Variants in UTRN observed in about 807,000 individuals in gnomAD.
UTRN encodes utrophin, also known as dystrophin-related protein 1.
Under a neutral mutation model 463.9 loss-of-function variants are expected in UTRN, and 283 were observed. The observed-to-expected ratio is 0.61, with a 90% CI of 0.55 to 0.67. The LOEUF is 0.67. UTRN is among the 30% of genes least tolerant of loss of function. UTRN has a pLI of 0.00. For missense variants in UTRN, 3,922 were observed against 4,084.3 expected (o/e 0.96, Z 1.08); for synonymous variants, 1,442 against 1,431.5 (o/e 1.01, Z -0.17).
intron 21 of UTRN, among the ~76,000 whole-genome samples, chr6:144,459,924 A>G (rs2128560677): frequency 6.6e-6 from 1 of 152,212 alleles, no homozygotes; most frequent in Admixed American, 6.5e-5. Context: ...GCAAAATAAC[A>G]GATGTTAGCC....
chr6:144,496,087 T>A (rs1793615795), intron 33 of UTRN, among the ~76,000 whole-genome samples: 1 of 152,132 alleles, frequency 6.6e-6, no homozygotes, highest in Admixed American at 6.5e-5. Flanking sequence ...ATGCAGGAGT[T>A]GTTGAGCATT....
chr6:144,305,426 T>C (rs73585086), intron 2 of UTRN, among the ~76,000 whole-genome samples: 2,812 of 152,336 alleles, frequency 0.018, 81 homozygotes, highest in African/African-American at 0.06. Context: ...GTTTTATCTA[T>C]AATATTTAAT....
chr6:144,462,534 T>C (rs1378240750), intron 22 of UTRN, 120 bp from the exon 23 acceptor site: 3 of 916,896 alleles, frequency 3.3e-6, no homozygotes, highest in Admixed American at 3.1e-5. Flanking sequence ...ACTGTTCTTT[T>C]TAGATAAAAA....
At chr6:144,719,751 A>T (rs1417556644) in intron 53 of UTRN, among the ~76,000 whole-genome samples, 1 of 152,206 alleles carries the variant, frequency 6.6e-6, no homozygotes, top group Admixed American at 6.5e-5. Context: ...CCTTGGTAGG[A>T]AGTTTAGAAT....
chr6:144,490,136 T>C lies in UTRN; in HGVS notation c.4200T>C (p.Ser1400=). 6.2e-7 allele frequency: 1 copy of C among 1,613,776 alleles called. No individual in the cohort carries two copies. ...TLEELRRNMR[S]QPLTSPESRT... ...AGGAGTTGAGAAGAAATATGCGTTC[T>C]CAGCCCCTGACCTCCCCAGAGAGTA... is the stretch of plus-strand genomic sequence containing the variant. The change falls in exon 31 of 75, where the codon TCT becomes TCC. Residue 1400 remains serine (S), a synonymous_variant. Coordinates refer to ENST00000367545, the MANE Select transcript of UTRN (RefSeq NM_007124.3).
At chr6:144,701,361 A>C (rs1223840407) in intron 53 of UTRN, among the ~76,000 whole-genome samples, 4 of 151,916 alleles carry the variant, frequency 2.6e-5, no homozygotes, top group African/African-American at 4.8e-5. Flanking sequence ...CATACTATTT[A>C]AAATCATTTT....
chr6:144,453,022 T>C (rs1788486431), intron 18 of UTRN, among the ~76,000 whole-genome samples: 1 of 152,134 alleles, frequency 6.6e-6, no homozygotes, highest in Non-Finnish European at 1.5e-5. Flanking sequence ...ATTTAAAAAT[T>C]ATGTATGAAA....
chr6:144,700,321 T>G, intron 53 of UTRN, 78 bp downstream of exon 53: 1 of 1,457,292 alleles, frequency 6.9e-7, no homozygotes, highest in Non-Finnish European at 9.2e-7. Flanking sequence ...TATAGATAAG[T>G]ATCAGAGTTG....
At position 144,366,209 on chromosome 6, in the gene UTRN, C is replaced by T. The variant is rs542644096; in HGVS notation, c.80-36914C>T. On this transcript the variant is annotated intron_variant, in intron 2 of 74. Transcript: ENST00000367545. Reference sequence around the variant, plus strand: ...CACTTGAAAGCCAGGAGAGTATACCCGTGGGAGATGTTGCTATCAATAAAT... The same window carrying T: ...CACTTGAAAGCCAGGAGAGTATACCTGTGGGAGATGTTGCTATCAATAAAT... Among the ~76,000 whole-genome samples, 5 of 152,264 alleles carry T rather than the reference C, an allele frequency of 3.3e-5. No homozygotes were observed. In the East Asian group the frequency reaches 5.8e-4, roughly 18 times the overall value.
At chr6:144,811,577 G>A (rs1204141264) in intron 65 of UTRN, among the ~76,000 whole-genome samples, 1 of 152,040 alleles carries the variant, frequency 6.6e-6, no homozygotes, top group African/African-American at 2.4e-5. Context: ...TGGTAATTCT[G>A]CTAATGCTAA....
At chr6:144,323,097 G>A (rs1018925477) in intron 2 of UTRN, among the ~76,000 whole-genome samples, 1 of 152,100 alleles carries the variant, frequency 6.6e-6, no homozygotes, top group East Asian at 1.9e-4. Context: ...TCTTTTTAGA[G>A]GCAAATCCAG....
In UTRN at chr6:144,479,907, C is replaced by T. The variant is rs539874928; in HGVS notation, c.3432C>T (p.Ala1144=). 1.8e-5 allele frequency: 29 copies of T among 1,613,856 alleles called. No individual in the cohort carries two copies. The highest frequency in any genetic ancestry group is 2.2e-5 in the East Asian group (1 of 44,882). The part of the protein sequence containing the change: ...LAEMQEWMTQ[A]EEEYLERDFE... ...AGATGCAGGAATGGATGACCCAGGC[C>T]GAGGAAGAATATTTGGAGCGGGATT... The change falls in exon 26 of 75, where the codon GCC becomes GCT. Residue 1144 remains alanine, a synonymous_variant. Transcript: ENST00000367545.
At chr6:144,655,574 A>G (rs2128669394) in intron 51 of UTRN, among the ~76,000 whole-genome samples, 1 of 152,332 alleles carries the variant, frequency 6.6e-6, no homozygotes, top group East Asian at 1.9e-4. Context: ...ATTTATGTGT[A>G]ATCACCTATT....
chr6:144,700,760 G>T (rs532929176), intron 53 of UTRN, among the ~76,000 whole-genome samples: 1 of 148,170 alleles, frequency 6.7e-6, no homozygotes, highest in Admixed American at 6.7e-5. Flanking sequence ...TTAAGATGGA[G>T]TCTTGCTCTG....
intron 51 of UTRN, among the ~76,000 whole-genome samples, chr6:144,596,394 G>A (rs1803647583): frequency 6.6e-6 from 1 of 152,080 alleles, no homozygotes; most frequent in Non-Finnish European, 1.5e-5. Context: ...ATAACCTATG[G>A]TGACTTTGGA....
At chr6:144,481,423 A>T (rs1414010494) in intron 26 of UTRN, among the ~76,000 whole-genome samples, 6 of 152,236 alleles carry the variant, frequency 3.9e-5, no homozygotes, top group South Asian at 2.1e-4. Context: ...TTTATCATTG[A>T]AATGCTATTA....
rs546501948 is a variant in UTRN, at chr6:144,397,956, A to C, written c.80-5167A>C. The C allele has an allele frequency of 3.6e-5, 7 of 191,974 alleles. No individual in the cohort carries two copies. In the South Asian group the frequency reaches 7.6e-4, roughly 21 times the overall value. The allele number at this position is 191,974 out of a possible 1,614,324, so 11.9% of individuals were successfully genotyped here. Reference sequence around the variant, plus strand: ...TTCCCTTCTCACTTCCACCATTTCCACCTCTCCTTGCCTTAGGGCAGAGAG... The same window carrying C: ...TTCCCTTCTCACTTCCACCATTTCCCCCTCTCCTTGCCTTAGGGCAGAGAG... On this transcript the variant is annotated intron_variant, in intron 2 of 74. Transcript: ENST00000367545.
At chr6:144,651,968 T>C (rs1166795261) in intron 51 of UTRN, among the ~76,000 whole-genome samples, 1 of 152,098 alleles carries the variant, frequency 6.6e-6, no homozygotes, top group Non-Finnish European at 1.5e-5. Context: ...CTCACCCCCC[T>C]CCCACACTTT....
At chr6:144,323,684 G>GT (rs1238293669) in intron 2 of UTRN, among the ~76,000 whole-genome samples, 1 of 151,920 alleles carries the variant, frequency 6.6e-6, no homozygotes, top group Non-Finnish European at 1.5e-5. Flanking sequence ...TCTCTTGCTT[G>GT]TTTTTTTGGT....
Sources: gnomAD v4.1 joint callset for allele counts (sites outside exome capture counted in the v4.1 genomes callset) on GRCh38, gnomAD v4.1.1 for gene constraint, MANE v1.5 for transcripts, NCBI Gene and HGNC (gene_info 2026-07-23, HGNC 2026-07-21) for gene names.